The following NR6A1 variants were observed in gnomAD, a reference collection of about 807,000 sequenced individuals.
NR6A1 encodes the protein retinoic acid receptor-related testis-associated receptor.
In NR6A1, 7 loss-of-function variants were observed where a neutral mutation model predicts 59.1. The observed-to-expected ratio is 0.12, with a 90% CI of 0.07 to 0.22. NR6A1 has a LOEUF of 0.22. Among genes scored for constraint, NR6A1 ranks in the 10% least tolerant of loss-of-function variants. The pLI is 1.00. For synonymous variants in NR6A1, 243 were observed against 236.1 expected (o/e 1.03, Z -0.27); for missense variants, 468 against 611.6 (o/e 0.77, Z 2.48).
At chr9:124,561,239 C>T (rs1364244109) in intron 2 of NR6A1, among the ~76,000 whole-genome samples, 1 of 151,982 alleles carries the variant, frequency 6.6e-6, no homozygotes, top group Non-Finnish European at 1.5e-5. Flanking sequence ...AGTTTAAGAC[C>T]AGCCTGGGCA....
At position 124,599,011 on chromosome 9, in the gene NR6A1, G is replaced by A. The variant is rs1033615145; in HGVS notation, c.143-44441C>T. 3 of 741,128 alleles carry A rather than the reference G, an allele frequency of 4.0e-6. 1 individual carries two copies. Among genetic ancestry groups the A allele is most frequent in the East Asian group, 5.0e-5 (2 of 40,004 alleles). The allele number at this position is 741,128 out of a possible 1,614,324, so 45.9% of individuals were successfully genotyped here. A position where few individuals can be genotyped will look rare whatever the true frequency, so the allele number is the denominator to read the frequency against. ...TGTAGTGGTTGGCACAAATCTTCAG[G>A]GTCTTGTCCCTCCTCATGAGGAGGC... is the stretch of plus-strand genomic sequence containing the variant. On this transcript the variant is annotated intron_variant, in intron 2 of 9. Coordinates refer to ENST00000487099, the MANE Select transcript of NR6A1 (RefSeq NM_033334.4).
intron 2 of NR6A1, among the ~76,000 whole-genome samples, chr9:124,702,338 C>G (rs962222175): frequency 2.0e-5 from 3 of 152,162 alleles, no homozygotes; most frequent in Non-Finnish European, 4.4e-5. Context: ...CCACTTTTCC[C>G]AGCATCATTT....
At position 124,664,921 on chromosome 9, in the gene NR6A1, C is replaced by T. The variant is rs144666547; in HGVS notation, c.142+68387G>A. 8.0e-5 allele frequency among the ~76,000 whole-genome samples: 12 copies of T among 150,460 alleles called. No homozygotes were observed. The East Asian group carries it at 2.1e-3, about 27-fold the overall frequency. ...GCGACGGTAGCTCACACCTGTAATC[C>T]CAGCACTTTGGGAGGCAAAGCTGGG... On this transcript the variant is annotated intron_variant, in intron 2 of 9. Coordinates refer to ENST00000487099, the MANE Select transcript of NR6A1 (RefSeq NM_033334.4).
In NR6A1 at chr9:124,771,141, G is replaced by A; in HGVS notation, c.-22C>T. The A allele has an allele frequency of 1.7e-6, 2 of 1,201,616 alleles. No individual in the cohort carries two copies. Among genetic ancestry groups the A allele is most frequent in the East Asian group, 3.2e-5 (1 of 31,450 alleles). The allele number at this position is 1,201,616 out of a possible 1,614,324, so 74.4% of individuals were successfully genotyped here. A position where few individuals can be genotyped will look rare whatever the true frequency, so the allele number is the denominator to read the frequency against. ...CCATGCGGTGGTGCCTAGGGTCCGC[G>A]CCGGGTTTGTTGCTCCGCCATGACC... On this transcript the variant is annotated 5_prime_UTR_variant, in exon 1 of 10. Coordinates refer to ENST00000487099, the MANE Select transcript of NR6A1 (RefSeq NM_033334.4).
chr9:124,615,143 A>G (rs1281974182), intron 2 of NR6A1, among the ~76,000 whole-genome samples: 1 of 152,252 alleles, frequency 6.6e-6, no homozygotes, highest in Non-Finnish European at 1.5e-5. Flanking sequence ...TGCAGCATAA[A>G]AAGAAATTGC....
intron 1 of NR6A1, among the ~76,000 whole-genome samples, chr9:124,749,029 A>G (rs2131167612): frequency 6.6e-6 from 1 of 152,226 alleles, no homozygotes; most frequent in African/African-American, 2.4e-5. Flanking sequence ...TTGGGAGGCC[A>G]AGGCGGGCGG....
chr9:124,698,009 C>T (rs938022064), intron 2 of NR6A1, among the ~76,000 whole-genome samples: 7 of 152,076 alleles, frequency 4.6e-5, no homozygotes, highest in African/African-American at 1.4e-4. Context: ...GTTTTGTAAG[C>T]GCTGCCAAGC....
At chr9:124,649,325 C>T (rs1311515783) in intron 2 of NR6A1, among the ~76,000 whole-genome samples, 1 of 149,034 alleles carries the variant, frequency 6.7e-6, no homozygotes, top group Non-Finnish European at 1.5e-5. Context: ...AAATCATTTT[C>T]AATAAAGGCA....
chr9:124,556,158 GT>G (rs1485308126), intron 2 of NR6A1, among the ~76,000 whole-genome samples: 1 of 152,228 alleles, frequency 6.6e-6, no homozygotes, highest in Non-Finnish European at 1.5e-5. Context: ...ATTTGTAGAT[GT>G]GATTGAATTA....
intron 2 of NR6A1, among the ~76,000 whole-genome samples, chr9:124,688,932 A>G (rs1838430605): frequency 6.6e-6 from 1 of 152,246 alleles, no homozygotes. Context: ...CAATCAATGA[A>G]GAAGGTACTA....
rs1832768988 is a variant in NR6A1, at chr9:124,520,092, C to T, written c.*2613G>A. On this transcript the variant is annotated 3_prime_UTR_variant, in exon 10 of 10. Coordinates refer to ENST00000487099, the MANE Select transcript of NR6A1 (RefSeq NM_033334.4). ...AAAGCAAAAAACAAACACACCAAACCTCCCCTCCAACCTTTCTCCGTGTCC... is the reference window on the plus strand; with the variant it reads ...AAAGCAAAAAACAAACACACCAAACTTCCCCTCCAACCTTTCTCCGTGTCC... 6.6e-6 allele frequency: 1 copy of T among 152,074 alleles called. No homozygotes were observed. The highest frequency in any genetic ancestry group is 2.1e-4 in the South Asian group (1 of 4,800). 9.4% of individuals were successfully genotyped at this position (152,074 alleles called of 1,614,324 possible).
intron 1 of NR6A1, among the ~76,000 whole-genome samples, chr9:124,745,255 A>G (rs896409720): frequency 2.6e-5 from 3 of 116,142 alleles, no homozygotes; most frequent in Non-Finnish European, 5.9e-5. Context: ...ACATATATAC[A>G]TGAAAAAAAA....
intron 2 of NR6A1, among the ~76,000 whole-genome samples, chr9:124,616,013 C>T (rs1835879037): frequency 6.6e-6 from 1 of 151,948 alleles, no homozygotes; most frequent in African/African-American, 2.4e-5. Flanking sequence ...GCGTGAGTCA[C>T]CACGCCCAGC....
At chr9:124,743,257 T>C (rs1840227630) in intron 1 of NR6A1, among the ~76,000 whole-genome samples, 1 of 152,218 alleles carries the variant, frequency 6.6e-6, no homozygotes, top group Non-Finnish European at 1.5e-5. Context: ...CCATTAGCTT[T>C]TGTTTCTCAC....
At chr9:124,572,946 G>A (rs977377998) in intron 2 of NR6A1, among the ~76,000 whole-genome samples, 4 of 152,184 alleles carry the variant, frequency 2.6e-5, no homozygotes, top group African/African-American at 9.7e-5. Flanking sequence ...TACTGAGTAC[G>A]GTTTTGGCAT....
chr9:124,549,930 C>T (rs1321677390), intron 3 of NR6A1, among the ~76,000 whole-genome samples: 1 of 152,216 alleles, frequency 6.6e-6, no homozygotes, highest in African/African-American at 2.4e-5. Flanking sequence ...TTGCATTTAG[C>T]TGTCATGCCT....
chr9:124,562,233 C>T (rs140730053), intron 2 of NR6A1, among the ~76,000 whole-genome samples: 256 of 152,240 alleles, frequency 1.7e-3, no homozygotes, highest in African/African-American at 5.9e-3. Flanking sequence ...CAGAAGTAGC[C>T]ACAAATATAA....
intron 2 of NR6A1, among the ~76,000 whole-genome samples, chr9:124,705,083 A>G (rs766780594): frequency 3.3e-5 from 5 of 152,202 alleles, no homozygotes; most frequent in Non-Finnish European, 7.4e-5. Context: ...TCTTTGCTCT[A>G]TTATTTATAC....
chr9:124,757,656 C>A (rs1564269983), intron 1 of NR6A1, among the ~76,000 whole-genome samples: 1 of 152,184 alleles, frequency 6.6e-6, no homozygotes, highest in Non-Finnish European at 1.5e-5. Context: ...ACAGGCAATT[C>A]AAGCACAGAC....
Sources: allele counts gnomAD v4.1 joint callset (sites outside exome capture counted in the v4.1 genomes callset), GRCh38; gene constraint gnomAD v4.1.1; transcripts MANE v1.5; gene names NCBI Gene and HGNC (gene_info 2026-07-23, HGNC 2026-07-21).